The following TACR1 variants were observed in gnomAD, a reference collection of about 807,000 sequenced individuals.
TACR1 encodes the protein tachykinin receptor 1, also known as substance-P receptor.
A neutral mutation model predicts 35.8 loss-of-function variants in TACR1; 25 were observed. The observed-to-expected ratio is 0.70, with a 90% CI of 0.51 to 0.98. TACR1 has a LOEUF of 0.98. Among genes scored for constraint, TACR1 ranks in the 50% least tolerant of loss-of-function variants. The pLI, the probability that TACR1 is intolerant of heterozygous loss-of-function variation, is 0.00. For missense variants in TACR1, 478 were observed against 522.9 expected (o/e 0.91, Z 0.84); for synonymous variants, 195 against 206.7 (o/e 0.94, Z 0.48).
chr2:75,113,122 A>C (rs888406932), intron 2 of TACR1, among the ~76,000 whole-genome samples: 1 of 152,178 alleles, frequency 6.6e-6, no homozygotes, highest in African/African-American at 2.4e-5. Flanking sequence ...CCTTTTGTAA[A>C]TGTAATTTTT....
intron 1 of TACR1, among the ~76,000 whole-genome samples, chr2:75,137,353 C>T (rs1455128371): frequency 6.6e-6 from 1 of 152,126 alleles, no homozygotes; most frequent in Non-Finnish European, 1.5e-5. Flanking sequence ...GAATCCTAGA[C>T]ATATAGGTAG....
Position 75,198,552 on chromosome 2 carries a change from A to C in TACR1, c.383T>G (p.Phe128Cys). The C allele has an allele frequency of 6.2e-7, 1 of 1,612,242 alleles. No homozygotes were observed. The highest frequency in any genetic ancestry group is 8.5e-7 in the Non-Finnish European group (1 of 1,178,382). Reference sequence around the variant, plus strand: ...TCACAAAGGCTAATCTCACCTATCAAAGGCCACAGCCGTCATGGAGTAGAT... The same window carrying C: ...TCACAAAGGCTAATCTCACCTATCACAGGCCACAGCCGTCATGGAGTAGAT... ...ASIYSMTAVAFDRYMAIIHPL... is the reference protein window; with the variant it reads ...ASIYSMTAVACDRYMAIIHPL... Residue 128 changes from phenylalanine to cysteine, a missense_variant, in exon 1 of 5, where the codon TTT becomes TGT. By Grantham distance (205) the Phe-to-Cys change is radical. Coordinates refer to ENST00000305249, the MANE Select transcript of TACR1 (RefSeq NM_001058.4).
At chr2:75,128,897 A>G (rs1271691479) in intron 1 of TACR1, among the ~76,000 whole-genome samples, 3 of 152,172 alleles carry the variant, frequency 2.0e-5, no homozygotes, top group Non-Finnish European at 2.9e-5. Flanking sequence ...ACACAGCAAT[A>G]GCTATCCCCT....
In TACR1 at chr2:75,145,869, T is replaced by A. The variant is rs1422521124; in HGVS notation, c.390-25101A>T. ...AGGTGCAGAAAGTAGATGGGATATA[T>A]ATTTTGAATTCCGTAGGGAGATTTG... On this transcript the variant is annotated intron_variant, in intron 1 of 4. Coordinates refer to ENST00000305249, the MANE Select transcript of TACR1 (RefSeq NM_001058.4). 3.3e-5 allele frequency among the ~76,000 whole-genome samples: 5 copies of A among 152,156 alleles called. No homozygotes were observed. In the South Asian group the frequency reaches 8.3e-4, roughly 25 times the overall value.
chr2:75,171,861 G>A, intron 1 of TACR1, among the ~76,000 whole-genome samples: 1 of 152,142 alleles, frequency 6.6e-6, no homozygotes, highest in East Asian at 1.9e-4. Flanking sequence ...TGATTTTACA[G>A]GCTCATAGGC....
At chr2:75,081,504 C>T (rs528134643) in intron 2 of TACR1, among the ~76,000 whole-genome samples, 28 of 152,262 alleles carry the variant, frequency 1.8e-4, no homozygotes, top group Non-Finnish European at 8.8e-5. Context: ...CCATCCTGCT[C>T]TTTTTGCCTT....
At position 75,053,503 on chromosome 2, in the gene TACR1, T is replaced by G. The variant is rs1278898236; in HGVS notation, c.735+102A>C. On this transcript the variant is annotated intron_variant, in intron 3 of 4. Coordinates refer to ENST00000305249, the MANE Select transcript of TACR1 (RefSeq NM_001058.4). ...CTCTGTTGCTCCCCATACCTGGGGATATTTTGTGCTAGCTGCCTCTGGGGC... is the reference window on the plus strand; with the variant it reads ...CTCTGTTGCTCCCCATACCTGGGGAGATTTTGTGCTAGCTGCCTCTGGGGC... The G allele has an allele frequency of 4.0e-5, 54 of 1,357,590 alleles. 1 individual carries two copies. In the South Asian group the frequency reaches 1.0e-3, roughly 25 times the overall value. 84.1% of individuals were successfully genotyped at this position (1,357,590 alleles called of 1,614,324 possible).
chr2:75,062,324 C>A (rs1475001262), intron 2 of TACR1, among the ~76,000 whole-genome samples: 1 of 151,974 alleles, frequency 6.6e-6, no homozygotes, highest in Non-Finnish European at 1.5e-5. Flanking sequence ...AATTATATCA[C>A]CTAGAAATAA....
At chr2:75,122,910 G>A (rs570460152) in intron 1 of TACR1, among the ~76,000 whole-genome samples, 5 of 152,238 alleles carry the variant, frequency 3.3e-5, no homozygotes, top group African/African-American at 1.2e-4. Context: ...ACCCTGAGAA[G>A]TGTTGATTTC....
intron 1 of TACR1, among the ~76,000 whole-genome samples, chr2:75,156,802 C>T (rs1440447538): frequency 1.3e-5 from 2 of 152,140 alleles, no homozygotes; most frequent in African/African-American, 4.8e-5. Flanking sequence ...ACAAAGTTTA[C>T]CAACCCCTGT....
At chr2:75,105,952 T>C (rs1572933459) in intron 2 of TACR1, among the ~76,000 whole-genome samples, 1 of 151,860 alleles carries the variant, frequency 6.6e-6, no homozygotes, top group Non-Finnish European at 1.5e-5. Context: ...GCGTCCCGGA[T>C]GGGATCCTGG....
At chr2:75,079,736 C>CTTT (rs11367021) in intron 2 of TACR1, among the ~76,000 whole-genome samples, 12 of 114,190 alleles carry the variant, frequency 1.1e-4, no homozygotes, top group Admixed American at 1.8e-4. Flanking sequence ...AACCTAATGC[C>CTTT]TTTTTTTTTT....
chr2:75,060,664 T>A (rs1672652853), intron 2 of TACR1, among the ~76,000 whole-genome samples: 1 of 152,092 alleles, frequency 6.6e-6, no homozygotes. Context: ...TGGAAAACCA[T>A]GAGGTGGTTT....
At position 75,047,406 on chromosome 2, in the gene TACR1, G is replaced by C. The variant is rs1048719937; in HGVS notation, c.*2026C>G. 6.6e-6 allele frequency: 1 copy of C among 152,368 alleles called. No individual in the cohort carries two copies. The highest frequency in any genetic ancestry group is 6.5e-5 in the Admixed American group (1 of 15,288). The allele number at this position is 152,368 out of a possible 1,614,324, so 9.4% of individuals were successfully genotyped here. On this transcript the variant is annotated 3_prime_UTR_variant, in exon 5 of 5. Coordinates refer to ENST00000305249, the MANE Select transcript of TACR1 (RefSeq NM_001058.4). ...CAATAAGGTAGGCTCTTCAAGAGCT[G>C]CAGGGGCTGTGTGTTCCCAGTTCAG...
intron 2 of TACR1, chr2:75,090,794 A>G (rs1572924004): frequency 1.3e-5 from 2 of 154,056 alleles, no homozygotes; most frequent in East Asian, 1.9e-4. Context: ...ATCCCTTATG[A>G]TCCCAAAGTC....
At chr2:75,107,588 A>C (rs1346169068) in intron 2 of TACR1, among the ~76,000 whole-genome samples, 1 of 151,944 alleles carries the variant, frequency 6.6e-6, no homozygotes, top group Non-Finnish European at 1.5e-5. Context: ...AAGAAAGAAA[A>C]CTTGAAATAC....
chr2:75,067,486 G>T (rs1468007340), intron 2 of TACR1, among the ~76,000 whole-genome samples: 2 of 152,144 alleles, frequency 1.3e-5, no homozygotes, highest in Non-Finnish European at 2.9e-5. Flanking sequence ...GAATAGAAAC[G>T]ACATGGTCCC....
At chr2:75,152,943 A>G (rs903734296) in intron 1 of TACR1, among the ~76,000 whole-genome samples, 1 of 152,142 alleles carries the variant, frequency 6.6e-6, no homozygotes, top group Non-Finnish European at 1.5e-5. Flanking sequence ...TCATTCTGTC[A>G]CCAGGCTGGA....
Position 75,170,110 on chromosome 2 carries a change from G to C in TACR1, c.389+28436C>G, listed in dbSNP as rs1346932761. On this transcript the variant is annotated intron_variant, in intron 1 of 4. Coordinates refer to ENST00000305249, the MANE Select transcript of TACR1 (RefSeq NM_001058.4). The stretch of plus-strand genomic sequence containing the variant: ...AGAACCTAATGCAGTGATACGGTTT[G>C]GTTGTGTCCCCACCCAAATCCCATT... Among the ~76,000 whole-genome samples, 2 of 152,102 alleles carry C rather than the reference G, an allele frequency of 1.3e-5. 1 individual carries two copies. The highest frequency in any genetic ancestry group is 1.3e-4 in the Admixed American group (2 of 15,274).
Sources: gnomAD v4.1 joint callset for allele counts (sites outside exome capture counted in the v4.1 genomes callset) on GRCh38, gnomAD v4.1.1 for gene constraint, MANE v1.5 for transcripts, NCBI Gene and HGNC (gene_info 2026-07-23, HGNC 2026-07-21) for gene names.